The following SLC30A10 variants were observed in gnomAD, a reference collection of about 807,000 sequenced individuals.
The protein encoded by SLC30A10 is calcium/manganese antiporter SLC30A10.
A neutral mutation model predicts 21.7 loss-of-function variants in SLC30A10; 8 were observed. That is an observed-to-expected ratio of 0.37 (90% CI 0.22 to 0.67). SLC30A10 has a LOEUF of 0.67. Ranked by LOEUF, SLC30A10 falls within the 30% of genes least tolerant of loss-of-function variation. The pLI, the probability that SLC30A10 is intolerant of heterozygous loss-of-function variation, is 0.58. For synonymous variants in SLC30A10, 272 were observed against 279.4 expected (o/e 0.97, Z 0.26); for missense variants, 521 against 642.5 (o/e 0.81, Z 2.04).
chr1:219,927,383 C>T (rs1438086051), intron 1 of SLC30A10, among the ~76,000 whole-genome samples: 2 of 151,742 alleles, frequency 1.3e-5, no homozygotes, highest in Non-Finnish European at 2.9e-5. Flanking sequence ...AGAAGACAAA[C>T]GGATGGGCAA....
intron 1 of SLC30A10, 145 bp downstream of exon 1, chr1:219,927,656 A>AT: frequency 1.7e-6 from 1 of 574,094 alleles, no homozygotes; most frequent in Non-Finnish European, 2.3e-6. Flanking sequence ...AAAAAAAAAA[A>AT]AAAAAAAAAA....
rs1164535981 is a variant in SLC30A10, at chr1:219,925,632, C to CATATATATATATATATAT, written c.718+1378_718+1395dup. 3.8e-3 allele frequency among the ~76,000 whole-genome samples: 260 copies of CATATATATATATATATAT among 68,844 alleles called. 20 individuals carry two copies. The highest frequency in any genetic ancestry group is 0.011 in the Middle Eastern group (1 of 92). 45.2% of individuals were successfully genotyped at this position (68,844 alleles called of 152,430 possible). On this transcript the variant is annotated intron_variant, in intron 2 of 3. Transcript: ENST00000366926. Reference sequence around the variant, plus strand: ...CTTAAAATTTATGTGTGTGTGTGTACATATATATATATATATATATTTTTT... The same window carrying CATATATATATATATATAT: ...CTTAAAATTTATGTGTGTGTGTGTACATATATATATATATATATATATATATATATATATATATTTTTT...
At chr1:219,929,933 G>A (rs1337565751), upstream of SLC30A10, among the ~76,000 whole-genome samples, 1 of 152,200 alleles carries the variant, frequency 6.6e-6, no homozygotes, top group Non-Finnish European at 1.5e-5. Flanking sequence ...AAGGGTGTCT[G>A]CTGCTGGTCT....
At chr1:219,923,822 G>A (rs1659753085) in intron 2 of SLC30A10, among the ~76,000 whole-genome samples, 2 of 152,218 alleles carry the variant, frequency 1.3e-5, no homozygotes, top group Non-Finnish European at 2.9e-5. Context: ...CACTTTGGGA[G>A]GCCGAGGCCA....
intron 3 of SLC30A10, among the ~76,000 whole-genome samples, chr1:219,917,692 T>C (rs1255118739): frequency 6.7e-6 from 1 of 150,010 alleles, no homozygotes; most frequent in Non-Finnish European, 1.5e-5. Flanking sequence ...TTGCATTCTT[T>C]TCTTTTTTTT....
At chr1:219,922,661 A>G (rs1258099001) in intron 2 of SLC30A10, among the ~76,000 whole-genome samples, 1 of 152,094 alleles carries the variant, frequency 6.6e-6, no homozygotes, top group Non-Finnish European at 1.5e-5. Flanking sequence ...TGGGGTAGTA[A>G]TAATATCTGC....
chr1:219,924,314 T>C (rs759239136), intron 2 of SLC30A10, among the ~76,000 whole-genome samples: 14 of 152,136 alleles, frequency 9.2e-5, no homozygotes, highest in Admixed American at 3.3e-4. Context: ...TGTGTGATCA[T>C]GGAAAGGGCC....
chr1:219,924,339 G>A (rs565325926), intron 2 of SLC30A10, among the ~76,000 whole-genome samples: 44 of 152,314 alleles, frequency 2.9e-4, no homozygotes, highest in Non-Finnish European at 5.4e-4. Flanking sequence ...ATGTGATGTA[G>A]GAGCCCAGGA....
intron 1 of SLC30A10, among the ~76,000 whole-genome samples, chr1:219,927,512 C>T (rs1415287051): frequency 6.6e-6 from 1 of 150,958 alleles, no homozygotes; most frequent in South Asian, 2.1e-4. Context: ...TACTCATATA[C>T]AGAGAATAGG....
chr1:219,952,857 G>A (rs1353535888), intron 1 of SLC30A10, among the ~76,000 whole-genome samples: 1 of 152,068 alleles, frequency 6.6e-6, no homozygotes, highest in Admixed American at 6.5e-5. Context: ...AGTTGAATTT[G>A]GTTTCACAAA....
At chr1:219,942,448 T>C (rs938116789) in intron 1 of SLC30A10, among the ~76,000 whole-genome samples, 4 of 152,210 alleles carry the variant, frequency 2.6e-5, no homozygotes, top group African/African-American at 7.2e-5. Flanking sequence ...AAAAACCCGC[T>C]GCCCCAAAGG....
intron 1 of SLC30A10, among the ~76,000 whole-genome samples, chr1:219,945,334 G>T (rs1008440404): frequency 2.6e-5 from 4 of 152,158 alleles, no homozygotes; most frequent in Non-Finnish European, 4.4e-5. Context: ...TTTGGAAATT[G>T]TACTATCATT....
In SLC30A10 at chr1:219,911,981, A is replaced by G. The variant is rs1328644783; in HGVS notation, c.*3468T>C. Among the ~76,000 whole-genome samples, 1 of 152,082 alleles carries G rather than the reference A, an allele frequency of 6.6e-6. No homozygotes were observed. Among genetic ancestry groups the G allele is most frequent in the Non-Finnish European group, 1.5e-5 (1 of 68,016 alleles). On this transcript the variant is annotated 3_prime_UTR_variant, in exon 4 of 4. Coordinates refer to ENST00000366926, the MANE Select transcript of SLC30A10 (RefSeq NM_018713.3). ...CAGGAGCAAGAACACATCCAATTCA[A>G]AATGTCAGTAATGCCAAGACTGAGA... is the stretch of plus-strand genomic sequence containing the variant.
intron 1 of SLC30A10, among the ~76,000 whole-genome samples, chr1:219,927,332 G>A (rs575880075): frequency 6.6e-5 from 10 of 152,184 alleles, no homozygotes; most frequent in African/African-American, 2.4e-4. Context: ...AAAAGAGGGT[G>A]AATGGGAGCC....
At chr1:219,932,024 C>G (rs1297030727), upstream of SLC30A10, among the ~76,000 whole-genome samples, 1 of 151,732 alleles carries the variant, frequency 6.6e-6, no homozygotes. Flanking sequence ...AACTCTAGAG[C>G]TTACACCCTT....
chr1:219,952,740 T>A (rs1359556678), intron 1 of SLC30A10, among the ~76,000 whole-genome samples: 1 of 152,176 alleles, frequency 6.6e-6, no homozygotes, highest in Non-Finnish European at 1.5e-5. Context: ...CAATATAAAC[T>A]CATTTTTCAT....
upstream of SLC30A10, among the ~76,000 whole-genome samples, chr1:219,930,192 T>C (rs1571804860): frequency 6.8e-6 from 1 of 148,002 alleles, no homozygotes; most frequent in African/African-American, 2.5e-5. Flanking sequence ...AAAACACAGG[T>C]CAGGCGTGGT....
intron 1 of SLC30A10, among the ~76,000 whole-genome samples, chr1:219,940,343 G>A (rs1376492639): frequency 6.6e-6 from 1 of 152,164 alleles, no homozygotes; most frequent in East Asian, 1.9e-4. Flanking sequence ...TCAAGTGACT[G>A]CAGCCTCAAG....
chr1:219,944,169 G>A (rs562701230), intron 1 of SLC30A10, among the ~76,000 whole-genome samples: 42 of 150,398 alleles, frequency 2.8e-4, no homozygotes, highest in African/African-American at 7.6e-4. Flanking sequence ...AAAAACTGGC[G>A]GGGCATGACA....
Sources: allele counts gnomAD v4.1 joint callset (sites outside exome capture counted in the v4.1 genomes callset), GRCh38; gene constraint gnomAD v4.1.1; transcripts MANE v1.5; gene names NCBI Gene and HGNC (gene_info 2026-07-23, HGNC 2026-07-21).